The following CATSPERB variants were observed in gnomAD, a reference collection of about 807,000 sequenced individuals.
CATSPERB encodes the protein cation channel sperm-associated auxiliary subunit beta.
Under a neutral mutation model 128.3 loss-of-function variants are expected in CATSPERB, and 93 were observed. The observed-to-expected ratio is 0.72, with a 90% confidence interval of 0.61 to 0.86. The LOEUF (loss-of-function observed/expected upper bound fraction) is 0.86, where lower values mean the gene tolerates loss of function less well. Among genes scored for constraint, CATSPERB ranks in the 40% least tolerant of loss-of-function variants. CATSPERB has a pLI of 0.00. For synonymous variants in CATSPERB, 381 were observed against 448.8 expected (o/e 0.85, Z 1.91); for missense variants, 1,153 against 1,329.5 (o/e 0.87, Z 2.06).
At chr14:91,641,350 T>C (rs1318560823) in intron 15 of CATSPERB, among the ~76,000 whole-genome samples, 3 of 147,270 alleles carry the variant, frequency 2.0e-5, no homozygotes, top group Non-Finnish European at 4.5e-5. Flanking sequence ...GGTTTTCTTC[T>C]AGGGTTTTTA....
chr14:91,672,879 G>T lies in CATSPERB; in HGVS notation c.1116C>A (p.Leu372=). The T allele has an allele frequency of 6.4e-7, 1 of 1,565,784 alleles. No homozygotes were observed. The highest frequency in any genetic ancestry group is 8.6e-7 in the Non-Finnish European group (1 of 1,167,684). ...VDQERGTGVY[L]FYNKVRKTAI... is the part of the protein sequence containing the mutation. ...ATATAAGGCCTACCTTGTTATAGAA[G>T]AGGTAAACTCCAGTACCACGCTCTT... The change falls in exon 13 of 27, where the codon CTC becomes CTA. Residue 372 remains leucine, a synonymous_variant. Coordinates refer to ENST00000256343, the MANE Select transcript of CATSPERB (RefSeq NM_024764.4).
chr14:91,648,285 T>TTTATTA (rs1405766201), intron 15 of CATSPERB, among the ~76,000 whole-genome samples: 1 of 152,214 alleles, frequency 6.6e-6, no homozygotes, highest in Non-Finnish European at 1.5e-5. Flanking sequence ...TTAATAATCT[T>TTTATTA]TTAATGGCAT....
At chr14:91,669,719 C>G in intron 14 of CATSPERB, 95 bp downstream of exon 14, 1 of 1,202,322 alleles carries the variant, frequency 8.3e-7, no homozygotes, top group Non-Finnish European at 1.1e-6. Context: ...ATCTCTAGGT[C>G]ATCAGAGAAG....
chr14:91,603,150 C>A, intron 22 of CATSPERB: 1 of 785,032 alleles, frequency 1.3e-6, no homozygotes, highest in East Asian at 2.4e-5. Flanking sequence ...TCCTTGTATA[C>A]CTTCATGTAT....
chr14:91,700,586 T>TGG, intron 7 of CATSPERB, among the ~76,000 whole-genome samples: 1 of 152,120 alleles, frequency 6.6e-6, no homozygotes, highest in Non-Finnish European at 1.5e-5. Context: ...TCGACCTAAG[T>TGG]ACTCATCAAT....
At position 91,693,393 on chromosome 14, in the gene CATSPERB, G is replaced by T; in HGVS notation, c.703C>A (p.Leu235Ile). 6.2e-7 allele frequency: 1 copy of T among 1,613,254 alleles called. No individual in the cohort carries two copies. Among genetic ancestry groups the T allele is most frequent in the Non-Finnish European group, 8.5e-7 (1 of 1,179,294 alleles). ...ATGTTAGAGGAGTTACCTTCTTGAA[G>T]TTGGGAATAGATAGTCTGTGTCATG... ...FNMTQTIYSQ[L>I]QEEYEDLSLV... The change falls in exon 8 of 27, where the codon CTT becomes ATT. Residue 235 changes from leucine (L) to isoleucine (I), a missense_variant. Physicochemically the swap from Leu to Ile is conservative, Grantham distance 5 (BLOSUM62 2). Coordinates refer to ENST00000256343, the MANE Select transcript of CATSPERB (RefSeq NM_024764.4).
At chr14:91,667,627 CTT>C (rs1211923532) in intron 14 of CATSPERB, among the ~76,000 whole-genome samples, 1 of 152,220 alleles carries the variant, frequency 6.6e-6, no homozygotes, top group Non-Finnish European at 1.5e-5. Flanking sequence ...TAAATAGACT[CTT>C]TGGCAGCAGT....
intron 5 of CATSPERB, chr14:91,710,218 G>A (rs1006941028): frequency 6.6e-6 from 1 of 152,238 alleles, no homozygotes; most frequent in Admixed American, 6.5e-5. Flanking sequence ...ATACTTGGCT[G>A]TTAAAACCTT....
At chr14:91,671,968 C>T (rs540149582) in intron 13 of CATSPERB, among the ~76,000 whole-genome samples, 5 of 151,902 alleles carry the variant, frequency 3.3e-5, no homozygotes, top group African/African-American at 9.7e-5. Context: ...TGCAGTGAGC[C>T]GAGATTGCAC....
chr14:91,619,557 A>ATTTTTT (rs1249897264), intron 19 of CATSPERB, among the ~76,000 whole-genome samples: 167 of 78,764 alleles, frequency 2.1e-3, no homozygotes, highest in Admixed American at 3.9e-3. Flanking sequence ...TTTTTTTAAA[A>ATTTTTT]AAAAAATAGC....
intron 22 of CATSPERB, among the ~76,000 whole-genome samples, chr14:91,606,298 C>T (rs944397886): frequency 6.6e-6 from 1 of 152,096 alleles, no homozygotes; most frequent in African/African-American, 2.4e-5. Flanking sequence ...TGCAGTGGCT[C>T]ATGCCTATAA....
chr14:91,621,401 CAAAT>C (rs943081126), intron 19 of CATSPERB, among the ~76,000 whole-genome samples: 261 of 151,924 alleles, frequency 1.7e-3, no homozygotes, highest in African/African-American at 6.1e-3. Context: ...GTCTGTCTCA[CAAAT>C]AAATAAATAA....
intron 15 of CATSPERB, among the ~76,000 whole-genome samples, chr14:91,648,996 T>TG (rs1477200252): frequency 6.6e-6 from 1 of 152,014 alleles, no homozygotes; most frequent in Non-Finnish European, 1.5e-5. Flanking sequence ...TGCTTTTTTT[T>TG]TTTTTCCTGT....
chr14:91,695,212 C>A (rs914662182), intron 7 of CATSPERB, among the ~76,000 whole-genome samples: 1 of 151,060 alleles, frequency 6.6e-6, no homozygotes, highest in Non-Finnish European at 1.5e-5. Flanking sequence ...TCACTGCAAC[C>A]TTCGCCTCCC....
chr14:91,719,491 A>G lies in CATSPERB; in HGVS notation c.310-13T>C, dbSNP rs775950064. On this transcript the variant is annotated splice_polypyrimidine_tract_variant and intron_variant, in intron 4 of 26. Coordinates refer to ENST00000256343, the MANE Select transcript of CATSPERB (RefSeq NM_024764.4). ...TCCGATCACTGAACTTGAATAAAGA[A>G]GACATCAGAAAACAATGTTTTACAA... The G allele has an allele frequency of 1.0e-5, 16 of 1,602,464 alleles. No individual in the cohort carries two copies. Among genetic ancestry groups the G allele is most frequent in the Non-Finnish European group, 5.1e-6 (6 of 1,171,770 alleles).
chr14:91,659,640 G>A (rs1371046512), intron 15 of CATSPERB, among the ~76,000 whole-genome samples, 197 bp downstream of exon 15: 1 of 152,206 alleles, frequency 6.6e-6, no homozygotes, highest in East Asian at 1.9e-4. Context: ...AATGGTAAAT[G>A]AGAACATAGC....
chr14:91,621,983 T>C (rs763973176), intron 18 of CATSPERB, 46 bp from the exon 19 acceptor site: 22 of 1,334,560 alleles, frequency 1.6e-5, no homozygotes, highest in Admixed American at 1.3e-4. Context: ...AAACATCCGA[T>C]GTTTGCCAAA....
chr14:91,716,745 A>ACACG (rs1895948381), intron 5 of CATSPERB, among the ~76,000 whole-genome samples: 1 of 151,830 alleles, frequency 6.6e-6, no homozygotes, highest in South Asian at 2.1e-4. Flanking sequence ...ACACACACAC[A>ACACG]CACAGACACA....
intron 11 of CATSPERB, among the ~76,000 whole-genome samples, chr14:91,679,489 T>G (rs1317453836): frequency 1.3e-5 from 2 of 152,172 alleles, no homozygotes; most frequent in African/African-American, 4.8e-5. Flanking sequence ...CTATATCAGA[T>G]GTAAGATTTT....
Sources: allele counts gnomAD v4.1 joint callset (sites outside exome capture counted in the v4.1 genomes callset), GRCh38; gene constraint gnomAD v4.1.1; transcripts MANE v1.5; gene names NCBI Gene and HGNC (gene_info 2026-07-23, HGNC 2026-07-21).